The following PARN variants were observed in gnomAD, a reference collection of about 807,000 sequenced individuals.
PARN encodes the protein poly(A)-specific ribonuclease PARN.
A neutral mutation model predicts 102.8 loss-of-function variants in PARN; 71 were observed. The ratio of observed to expected loss-of-function variants is 0.69; its 90% CI spans 0.57 to 0.84. PARN has a LOEUF of 0.84. Among genes scored for constraint, PARN ranks in the 40% least tolerant of loss-of-function variants. The pLI is 0.00. For missense variants in PARN, 782 were observed against 760.9 expected, an observed-to-expected ratio of 1.03 and a Z score of -0.33; for synonymous variants, 261 against 252.9, an observed-to-expected ratio of 1.03 and a Z score of -0.30.
chr16:14,599,509 T>G (rs1970749464), intron 12 of PARN, among the ~76,000 whole-genome samples: 1 of 152,204 alleles, frequency 6.6e-6, no homozygotes, highest in African/African-American at 2.4e-5. Context: ...AAGACATCAT[T>G]ATTTTTACCC....
At chr16:14,525,376 C>T (rs1965942182) in intron 21 of PARN, among the ~76,000 whole-genome samples, 1 of 152,190 alleles carries the variant, frequency 6.6e-6, no homozygotes, top group African/African-American at 2.4e-5. Flanking sequence ...ACCCTCAATG[C>T]AGCGGTCACA....
intron 2 of PARN, among the ~76,000 whole-genome samples, 172 bp downstream of exon 2, chr16:14,629,425 T>A (rs766608231): frequency 2.0e-5 from 3 of 152,220 alleles, no homozygotes; most frequent in Non-Finnish European, 4.4e-5. Flanking sequence ...TATCTTCATT[T>A]CTTTCGTGCT....
At chr16:14,442,710 T>C (rs1264226961) in intron 23 of PARN, among the ~76,000 whole-genome samples, 1 of 151,902 alleles carries the variant, frequency 6.6e-6, no homozygotes, top group Non-Finnish European at 1.5e-5. Context: ...CTCAGCCTCC[T>C]GGGCTTAAGC....
intron 16 of PARN, 43 bp from the exon 17 acceptor site, chr16:14,582,334 G>C (rs780619151): frequency 1.6e-6 from 2 of 1,266,880 alleles, no homozygotes; most frequent in Non-Finnish European, 2.3e-6. Flanking sequence ...ACAAAGACTA[G>C]TAAGCACATT....
intron 21 of PARN, among the ~76,000 whole-genome samples, chr16:14,520,818 C>T (rs1424250590): frequency 2.0e-5 from 3 of 152,088 alleles, no homozygotes; most frequent in African/African-American, 7.2e-5. Flanking sequence ...AGAGATGAAA[C>T]AGGACTGGCC....
chr16:14,529,509 T>C (rs1027556434), intron 21 of PARN, among the ~76,000 whole-genome samples: 15 of 152,144 alleles, frequency 9.9e-5, no homozygotes, highest in African/African-American at 3.6e-4. Context: ...CTGGGCACAC[T>C]GCAGCCACTT....
chr16:14,600,646 A>G (rs939321044), intron 11 of PARN, among the ~76,000 whole-genome samples: 1 of 151,912 alleles, frequency 6.6e-6, no homozygotes, highest in Non-Finnish European at 1.5e-5. Flanking sequence ...TAACCCCAAC[A>G]CTGGCTGGGT....
intron 21 of PARN, among the ~76,000 whole-genome samples, chr16:14,484,295 G>A (rs953149883): frequency 3.9e-5 from 6 of 152,174 alleles, no homozygotes; most frequent in Non-Finnish European, 8.8e-5. Context: ...TCACGATGGC[G>A]GCATGGGAGT....
intron 21 of PARN, among the ~76,000 whole-genome samples, chr16:14,500,375 AC>A (rs1964522111): frequency 6.6e-6 from 1 of 151,932 alleles, no homozygotes; most frequent in African/African-American, 2.4e-5. Context: ...GTTTCTGTAA[AC>A]TTTATCTTTT....
At chr16:14,555,485 T>C (rs904070673) in intron 19 of PARN, among the ~76,000 whole-genome samples, 169 bp downstream of exon 19, 10 of 152,206 alleles carry the variant, frequency 6.6e-5, no homozygotes, top group Non-Finnish European at 1.5e-4. Flanking sequence ...AAATGACTAA[T>C]GAATGCCCAA....
chr16:14,441,618 C>T (rs1689705564), intron 23 of PARN, among the ~76,000 whole-genome samples: 1 of 152,240 alleles, frequency 6.6e-6, no homozygotes, highest in African/African-American at 2.4e-5. Context: ...AGGCTGATGA[C>T]ATCTTGGAGT....
At chr16:14,442,458 G>A (rs1960984707) in intron 23 of PARN, among the ~76,000 whole-genome samples, 1 of 152,004 alleles carries the variant, frequency 6.6e-6, no homozygotes, top group East Asian at 1.9e-4. Context: ...AAAAAGGAGG[G>A]GACTTATGCT....
intron 18 of PARN, among the ~76,000 whole-genome samples, 166 bp from the exon 19 acceptor site, chr16:14,555,875 A>AT (rs1217948816): frequency 2.6e-5 from 4 of 151,080 alleles, no homozygotes; most frequent in South Asian, 4.2e-4. Flanking sequence ...TCTATTATTT[A>AT]TTTTTTTTTA....
At chr16:14,530,935 T>G (rs989713418) in intron 21 of PARN, among the ~76,000 whole-genome samples, 1 of 152,156 alleles carries the variant, frequency 6.6e-6, no homozygotes, top group African/African-American at 2.4e-5. Flanking sequence ...CAAAAACACT[T>G]GTTATCTGTA....
rs988149281 is a variant in PARN, at chr16:14,568,866, G to A, written c.1262+12008C>T. On this transcript the variant is annotated intron_variant, in intron 18 of 23. Coordinates refer to ENST00000437198, the MANE Select transcript of PARN (RefSeq NM_002582.4). ...GCCGAGATCACGCCATTGCACTCTA[G>A]CCTGGCAACAGAGCAAGACTCCATC... 4.6e-5 allele frequency among the ~76,000 whole-genome samples: 7 copies of A among 152,010 alleles called. No homozygotes were observed. In the East Asian group the frequency reaches 1.2e-3, roughly 25 times the overall value.
intron 13 of PARN, among the ~76,000 whole-genome samples, chr16:14,592,728 C>A (rs1970271713): frequency 6.6e-6 from 1 of 152,230 alleles, no homozygotes; most frequent in South Asian, 2.1e-4. Context: ...TAGCAGCCCA[C>A]ACCTGTGGCC....
Position 14,630,153 on chromosome 16 carries a change from C to T in PARN, c.-28G>A. On this transcript the variant is annotated 5_prime_UTR_variant, in exon 1 of 24. Coordinates refer to ENST00000437198, the MANE Select transcript of PARN (RefSeq NM_002582.4). Reference sequence around the variant, plus strand: ...TGCAGAGTGGCCGGAACCTTGGCCCCACCCGGGCCCGCGCCCGCCTCAGCG... The same window carrying T: ...TGCAGAGTGGCCGGAACCTTGGCCCTACCCGGGCCCGCGCCCGCCTCAGCG... The T allele has an allele frequency of 8.4e-6, 13 of 1,550,866 alleles. No homozygotes were observed. Among genetic ancestry groups the T allele is most frequent in the Non-Finnish European group, 1.1e-5 (13 of 1,145,734 alleles).
At chr16:14,466,506 T>C (rs184033525) in intron 22 of PARN, among the ~76,000 whole-genome samples, 3 of 152,328 alleles carry the variant, frequency 2.0e-5, no homozygotes, top group African/African-American at 4.8e-5. Context: ...CAGTCCTCTT[T>C]TGTAAATTTG....
chr16:14,460,585 A>C (rs1239650867), intron 22 of PARN, among the ~76,000 whole-genome samples: 1 of 152,242 alleles, frequency 6.6e-6, no homozygotes, highest in East Asian at 1.9e-4. Flanking sequence ...TGTGACCTTT[A>C]GAAACTTTCG....
Sources: gnomAD v4.1 joint callset for allele counts (sites outside exome capture counted in the v4.1 genomes callset) on GRCh38, gnomAD v4.1.1 for gene constraint, MANE v1.5 for transcripts, NCBI Gene and HGNC (gene_info 2026-07-23, HGNC 2026-07-21) for gene names.